The following CHCHD3 variants were observed in gnomAD, a reference collection of about 807,000 sequenced individuals.
CHCHD3 encodes coiled-coil-helix-coiled-coil-helix domain containing 3, also known as MICOS complex subunit MIC19.
In CHCHD3, 20 loss-of-function variants were observed where a neutral mutation model predicts 38.2. That is an observed-to-expected ratio of 0.52 (90% CI 0.37 to 0.76). The LOEUF (loss-of-function observed/expected upper bound fraction) is 0.76, where lower values mean the gene tolerates loss of function less well. Among genes scored for constraint, CHCHD3 ranks in the 30% least tolerant of loss-of-function variants. CHCHD3 has a pLI of 0.00. For missense variants in CHCHD3, 245 were observed against 279.2 expected (o/e 0.88, Z 0.87); for synonymous variants, 82 against 100.0 (o/e 0.82, Z 1.07).
intron 3 of CHCHD3, among the ~76,000 whole-genome samples, chr7:133,010,821 C>T (rs971610931): frequency 3.9e-5 from 6 of 152,082 alleles, no homozygotes; most frequent in African/African-American, 1.4e-4. Flanking sequence ...TCAGGTGATC[C>T]GCCCGCCTCG....
At chr7:132,793,211 C>T (rs1425967873) in intron 7 of CHCHD3, among the ~76,000 whole-genome samples, 1 of 152,148 alleles carries the variant, frequency 6.6e-6, no homozygotes, top group Non-Finnish European at 1.5e-5. Context: ...AGCACCTCTC[C>T]TACCTTAGGT....
intron 2 of CHCHD3, among the ~76,000 whole-genome samples, chr7:133,031,790 A>C (rs1813511784): frequency 6.6e-6 from 1 of 152,212 alleles, no homozygotes; most frequent in Non-Finnish European, 1.5e-5. Context: ...TGCATAATAT[A>C]AGCAGCAGAT....
intron 5 of CHCHD3, among the ~76,000 whole-genome samples, chr7:132,843,335 T>C (rs1161835146): frequency 1.3e-5 from 2 of 152,166 alleles, no homozygotes; most frequent in Non-Finnish European, 2.9e-5. Context: ...AGCTGCATTA[T>C]TTACAAGCAG....
chr7:132,894,299 T>C (rs772765292), intron 4 of CHCHD3, among the ~76,000 whole-genome samples: 6 of 152,206 alleles, frequency 3.9e-5, no homozygotes, highest in Non-Finnish European at 8.8e-5. Flanking sequence ...ATAATTTGGA[T>C]GTTATTAGCA....
At chr7:132,929,734 T>C (rs1810471365) in intron 4 of CHCHD3, among the ~76,000 whole-genome samples, 1 of 152,166 alleles carries the variant, frequency 6.6e-6, no homozygotes, top group African/African-American at 2.4e-5. Context: ...CCATACTCCA[T>C]GACCAGGGCT....
intron 5 of CHCHD3, among the ~76,000 whole-genome samples, chr7:132,860,082 G>T (rs1311197439): frequency 2.6e-5 from 4 of 151,986 alleles, no homozygotes; most frequent in Admixed American, 2.6e-4. Context: ...ACCAGCCTAG[G>T]TAACATGGCA....
At chr7:132,840,673 T>C (rs1182148077) in intron 5 of CHCHD3, among the ~76,000 whole-genome samples, 3 of 152,108 alleles carry the variant, frequency 2.0e-5, no homozygotes, top group Middle Eastern at 3.2e-3. Flanking sequence ...TTTCACAGAG[T>C]ACATCAACAT....
chr7:132,834,919 A>C (rs1807738368), intron 6 of CHCHD3, among the ~76,000 whole-genome samples: 1 of 152,050 alleles, frequency 6.6e-6, no homozygotes, highest in Non-Finnish European at 1.5e-5. Context: ...GGGGCCCAGC[A>C]AGAATAGCAA....
intron 1 of CHCHD3, among the ~76,000 whole-genome samples, chr7:133,075,920 A>G (rs1292836819): frequency 6.6e-6 from 1 of 151,956 alleles, no homozygotes; most frequent in African/African-American, 2.4e-5. Flanking sequence ...TTAGCCAGGT[A>G]TGGTGGTGGG....
intron 4 of CHCHD3, among the ~76,000 whole-genome samples, chr7:132,952,136 C>A (rs749383048): frequency 6.6e-6 from 1 of 152,222 alleles, no homozygotes; most frequent in Non-Finnish European, 1.5e-5. Flanking sequence ...CTAGGCAAGA[C>A]CAAAGCCAAC....
intron 3 of CHCHD3, chr7:133,022,438 G>A: frequency 2.2e-6 from 1 of 456,638 alleles, no homozygotes; most frequent in Non-Finnish European, 4.4e-6. Flanking sequence ...ACTCCAAAAA[G>A]TTGCTGCTAA....
chr7:132,933,215 G>C (rs1032730350), intron 4 of CHCHD3, among the ~76,000 whole-genome samples: 1 of 152,162 alleles, frequency 6.6e-6, no homozygotes, highest in African/African-American at 2.4e-5. Context: ...CATATTTGTT[G>C]CAACACATTT....
intron 3 of CHCHD3, among the ~76,000 whole-genome samples, chr7:132,989,177 GT>G (rs1812204117): frequency 6.6e-6 from 1 of 152,130 alleles, no homozygotes; most frequent in African/African-American, 2.4e-5. Context: ...AGTGAGGACT[GT>G]ATTTAACCAG....
chr7:132,797,742 C>T (rs1475536182), intron 6 of CHCHD3, among the ~76,000 whole-genome samples: 1 of 152,046 alleles, frequency 6.6e-6, no homozygotes, highest in Admixed American at 6.5e-5. Context: ...GTAAATGTTT[C>T]CAAAAACCTT....
chr7:132,945,774 A>G (rs1810885258), intron 4 of CHCHD3, among the ~76,000 whole-genome samples: 1 of 151,954 alleles, frequency 6.6e-6, no homozygotes, highest in African/African-American at 2.4e-5. Context: ...CACTAGGCAC[A>G]CAGGAGGTGC....
At chr7:132,893,296 G>T (rs1338304267) in intron 4 of CHCHD3, among the ~76,000 whole-genome samples, 2 of 152,200 alleles carry the variant, frequency 1.3e-5, no homozygotes, top group African/African-American at 2.4e-5. Context: ...CTGGATTTCA[G>T]ACTTGCGTGG....
intron 4 of CHCHD3, among the ~76,000 whole-genome samples, chr7:132,901,641 C>T (rs1326975866): frequency 2.1e-4 from 32 of 152,184 alleles, no homozygotes; most frequent in African/African-American, 4.8e-5. Flanking sequence ...TCATATCCTT[C>T]GCCTACTTGT....
chr7:132,790,104 G>A (rs775908982), intron 7 of CHCHD3, among the ~76,000 whole-genome samples: 38 of 152,196 alleles, frequency 2.5e-4, no homozygotes, highest in Non-Finnish European at 4.4e-4. Context: ...TTCAATATGT[G>A]TCTATTCCCC....
chr7:132,956,320 T>A (rs1811165643), intron 4 of CHCHD3, among the ~76,000 whole-genome samples: 1 of 152,250 alleles, frequency 6.6e-6, no homozygotes, highest in South Asian at 2.1e-4. Context: ...AAAGATTTTT[T>A]ATACATATAT....
Sources: allele counts gnomAD v4.1 joint callset (sites outside exome capture counted in the v4.1 genomes callset), GRCh38; gene constraint gnomAD v4.1.1; transcripts MANE v1.5; gene names NCBI Gene and HGNC (gene_info 2026-07-23, HGNC 2026-07-21).